Variants in ZNF106 observed in about 807,000 individuals in gnomAD.
ZNF106 encodes the protein SH3-domain binding protein 3.
In ZNF106, 67 loss-of-function variants were observed where a neutral mutation model predicts 195.1. That is an observed-to-expected ratio of 0.34 (90% CI 0.28 to 0.42). The LOEUF is 0.42. Ranked by LOEUF, ZNF106 falls within the 10% of genes least tolerant of loss-of-function variation. The pLI, the probability that ZNF106 is intolerant of heterozygous loss-of-function variation, is 1.00. For missense variants in ZNF106, 2,118 were observed against 2,304.5 expected (o/e 0.92, Z 1.66); for synonymous variants, 784 against 818.6 (o/e 0.96, Z 0.72).
chr15:42,442,448 A>G (rs2055586306), intron 9 of ZNF106, 34 bp from the exon 10 acceptor site: 2 of 1,541,384 alleles, frequency 1.3e-6, no homozygotes, highest in Non-Finnish European at 1.8e-6. Context: ...TAGAAATGCA[A>G]AAATGTTATC....
chr15:42,419,052 C>T (rs1411921637), intron 20 of ZNF106, among the ~76,000 whole-genome samples: 2 of 140,100 alleles, frequency 1.4e-5, no homozygotes, highest in Non-Finnish European at 3.0e-5. Context: ...ATAGTGAGAC[C>T]CTTTCTCTAC....
intron 1 of ZNF106, among the ~76,000 whole-genome samples, chr15:42,486,386 A>T (rs955885101): frequency 6.6e-6 from 1 of 152,062 alleles, no homozygotes. Context: ...CAGCCTCCCA[A>T]GTAGCTGGGA....
chr15:42,470,568 T>C (rs2056643692), intron 2 of ZNF106, among the ~76,000 whole-genome samples: 1 of 151,366 alleles, frequency 6.6e-6, no homozygotes, highest in Admixed American at 6.6e-5. Context: ...AGGGCAGGAG[T>C]AGATAATTCC....
In ZNF106 at chr15:42,450,144, C is replaced by T; in HGVS notation, c.2128G>A (p.Val710Ile). Residue 710 changes from valine to isoleucine, a missense_variant, in exon 5 of 22, where the codon GTA becomes ATA. Val to Ile is a conservative substitution (Grantham distance 29). Transcript: ENST00000564754. Reference sequence around the variant, plus strand: ...TCAAAGCCTTCTGTTTCATAAGATACATGAGATTTAATAGAGTCATCAACC... The same window carrying T: ...TCAAAGCCTTCTGTTTCATAAGATATATGAGATTTAATAGAGTCATCAACC... ...AQVDDSIKSH[V>I]SYETEGFESA... is the part of the protein sequence containing the mutation. 6.2e-7 allele frequency: 1 copy of T among 1,614,182 alleles called. No individual in the cohort carries two copies. The highest frequency in any genetic ancestry group is 8.5e-7 in the Non-Finnish European group (1 of 1,180,036).
In ZNF106 at chr15:42,417,204, C is replaced by T. The variant is rs1393106099; in HGVS notation, c.*100G>A. The T allele has an allele frequency of 1.2e-5, 16 of 1,348,628 alleles. No individual in the cohort carries two copies. The highest frequency in any genetic ancestry group is 1.7e-5 in the Non-Finnish European group (16 of 955,120). The allele number at this position is 1,348,628 out of a possible 1,614,324, so 83.5% of individuals were successfully genotyped here. On this transcript the variant is annotated 3_prime_UTR_variant, in exon 22 of 22. Transcript: ENST00000564754. ...ATGCCTGGCTAGTAACCACTTTCTC[C>T]TTCCTTACTTCACCAAGAAAGGGAA...
intron 14 of ZNF106, among the ~76,000 whole-genome samples, chr15:42,433,251 G>A (rs920915121): frequency 2.6e-5 from 4 of 151,526 alleles, no homozygotes; most frequent in Non-Finnish European, 5.9e-5. Context: ...GACTACAGGC[G>A]CCTGCCACCA....
chr15:42,478,408 T>C (rs1026133752), intron 1 of ZNF106, among the ~76,000 whole-genome samples: 1 of 152,012 alleles, frequency 6.6e-6, no homozygotes, highest in East Asian at 1.9e-4. Context: ...GTGATCCACC[T>C]GCCTCGGCCT....
At chr15:42,425,431 T>A (rs1448648087) in intron 15 of ZNF106, 1 of 169,942 alleles carries the variant, frequency 5.9e-6, no homozygotes, top group Non-Finnish European at 1.3e-5. Flanking sequence ...TTAGGCAATC[T>A]ATGTGTCATG....
At chr15:42,478,517 T>C (rs1304686661) in intron 1 of ZNF106, among the ~76,000 whole-genome samples, 24 of 132,400 alleles carry the variant, frequency 1.8e-4, no homozygotes, top group South Asian at 4.9e-4. Flanking sequence ...TTTTTCTTTT[T>C]TTTTTTTTTT....
At chr15:42,478,512 C>CTTTTTTTTTT (rs58475332) in intron 1 of ZNF106, among the ~76,000 whole-genome samples, 1 of 77,616 alleles carries the variant, frequency 1.3e-5, no homozygotes, top group Non-Finnish European at 2.5e-5. Context: ...TCCTCTTTTT[C>CTTTTTTTTTT]TTTTTTTTTT....
In ZNF106 at chr15:42,423,719, T is replaced by C. The variant is rs183451238; in HGVS notation, c.5253+279A>G. On this transcript the variant is annotated intron_variant, in intron 17 of 21. Transcript: ENST00000564754. ...AGTTCTATTTTAACTACATATCATA[T>C]CCACTTTCTGGAAGCCTCAGCTGCT... Among the ~76,000 whole-genome samples, 84 of 152,304 alleles carry C rather than the reference T, an allele frequency of 5.5e-4. 1 individual carries two copies. Among genetic ancestry groups the C allele is most frequent in the Non-Finnish European group, 1.0e-3 (71 of 68,012 alleles).
chr15:42,421,206 C>T (rs2054644613), intron 19 of ZNF106, 74 bp from the exon 20 acceptor site: 2 of 1,364,576 alleles, frequency 1.5e-6, no homozygotes, highest in Non-Finnish European at 2.1e-6. Flanking sequence ...ACAAGAGTCA[C>T]AAGCTCCTTG....
chr15:42,442,614 C>CTTTTT (rs1209709879), intron 9 of ZNF106, among the ~76,000 whole-genome samples, 200 bp from the exon 10 acceptor site: 2 of 123,602 alleles, frequency 1.6e-5, no homozygotes, highest in Non-Finnish European at 3.4e-5. Flanking sequence ...CATCAACATT[C>CTTTTT]TTTTTTTTTT....
intron 13 of ZNF106, among the ~76,000 whole-genome samples, 197 bp downstream of exon 13, chr15:42,437,035 A>G (rs924717591): frequency 1.3e-5 from 2 of 152,224 alleles, no homozygotes; most frequent in East Asian, 3.8e-4. Flanking sequence ...ATACCAGAGA[A>G]GGCAGAGTAG....
chr15:42,434,093 T>C (rs547980921), intron 14 of ZNF106, among the ~76,000 whole-genome samples: 1 of 152,118 alleles, frequency 6.6e-6, no homozygotes, highest in Non-Finnish European at 1.5e-5. Flanking sequence ...GCAATCCTCC[T>C]GCTCTGGCCT....
intron 1 of ZNF106, among the ~76,000 whole-genome samples, chr15:42,472,589 CTCA>C (rs1378725123): frequency 6.6e-6 from 1 of 152,176 alleles, no homozygotes. Flanking sequence ...CAGCACATCT[CTCA>C]TCCCACACGG....
chr15:42,445,073 A>T, intron 7 of ZNF106, 92 bp from the exon 8 acceptor site: 1 of 1,424,670 alleles, frequency 7.0e-7, no homozygotes, highest in Non-Finnish European at 9.6e-7. Context: ...ATTATTTAGG[A>T]TAAGACTTTA....
At chr15:42,430,463 T>C (rs1459903668) in intron 14 of ZNF106, among the ~76,000 whole-genome samples, 3 of 152,112 alleles carry the variant, frequency 2.0e-5, no homozygotes, top group African/African-American at 7.3e-5. Context: ...CACTGCAGCC[T>C]TGACCTCCGA....
At position 42,444,880 on chromosome 15, in the gene ZNF106, C is replaced by T. The variant is rs116812890; in HGVS notation, c.3307G>A (p.Ala1103Thr). The change falls in exon 8 of 22, where the codon GCC becomes ACC. Residue 1103 changes from alanine (A) to threonine (T), a missense_variant. Coordinates refer to ENST00000564754, the MANE Select transcript of ZNF106 (RefSeq NM_001366845.3). ...ACTTCCACATAAGCTGTCTGAAGGG[C>T]TGCACGGGCTTGCAGAAGATTGTTA... ...MDNNLLQARA[A>T]LQTAYVEVQR... 1.5e-3 allele frequency: 2,442 copies of T among 1,614,166 alleles called. 32 individuals carry two copies. In the African/African-American group the frequency reaches 0.029, roughly 19 times the overall value.
Sources: allele counts gnomAD v4.1 joint callset (sites outside exome capture counted in the v4.1 genomes callset), GRCh38; gene constraint gnomAD v4.1.1; transcripts MANE v1.5; gene names NCBI Gene and HGNC (gene_info 2026-07-23, HGNC 2026-07-21).